Variants in TMTC1 observed in about 807,000 individuals in gnomAD.
The protein encoded by TMTC1 is transmembrane O-mannosyltransferase targeting cadherins 1.
Under a neutral mutation model 104.8 loss-of-function variants are expected in TMTC1, and 73 were observed. The observed-to-expected ratio is 0.70, with a 90% confidence interval of 0.58 to 0.85. The LOEUF (loss-of-function observed/expected upper bound fraction) is 0.85. Ranked by LOEUF, TMTC1 falls within the 40% of genes least tolerant of loss-of-function variation. TMTC1 has a pLI of 0.00. For missense variants in TMTC1, 1,035 were observed against 1,096.1 expected (o/e 0.94, Z 0.79); for synonymous variants, 434 against 428.7 (o/e 1.01, Z -0.15).
At chr12:29,766,670 G>A (rs905488320) in intron 2 of TMTC1, among the ~76,000 whole-genome samples, 3 of 152,136 alleles carry the variant, frequency 2.0e-5, no homozygotes, top group African/African-American at 4.8e-5. Context: ...CTGAGAAATG[G>A]AGGAGGGAGA....
At chr12:29,557,371 C>A (rs906511758) in intron 9 of TMTC1, among the ~76,000 whole-genome samples, 7 of 152,160 alleles carry the variant, frequency 4.6e-5, no homozygotes, top group African/African-American at 1.7e-4. Context: ...TGACCAGCTG[C>A]CTGTGCAGGG....
At chr12:29,683,385 G>T (rs948034656) in intron 5 of TMTC1, among the ~76,000 whole-genome samples, 1 of 152,152 alleles carries the variant, frequency 6.6e-6, no homozygotes. Flanking sequence ...GTAGAAGAAA[G>T]AAGATTTAAA....
chr12:29,510,187 C>T (rs938385704), intron 17 of TMTC1, among the ~76,000 whole-genome samples: 2 of 152,088 alleles, frequency 1.3e-5, no homozygotes, highest in African/African-American at 2.4e-5. Flanking sequence ...CCTATGGATT[C>T]GAGACCACAA....
intron 10 of TMTC1, among the ~76,000 whole-genome samples, chr12:29,545,629 T>TCACACACACACACACACACACACACACA (rs55958433): frequency 2.7e-5 from 2 of 73,530 alleles, no homozygotes; most frequent in African/African-American, 1.1e-4. Context: ...CAAGACTCTG[T>TCACACACACACACACACACACACACACA]CACACACACA....
chr12:29,605,528 A>G (rs1946674130), intron 6 of TMTC1, among the ~76,000 whole-genome samples: 2 of 150,744 alleles, frequency 1.3e-5, no homozygotes, highest in African/African-American at 4.9e-5. Context: ...AGATTATGTA[A>G]CAAGCCTTCA....
Position 29,751,721 on chromosome 12 carries a change from C to G in TMTC1, c.883G>C (p.Glu295Gln). The G allele has an allele frequency of 6.2e-7, 1 of 1,614,158 alleles. No homozygotes were observed. The highest frequency in any genetic ancestry group is 8.5e-7 in the Non-Finnish European group (1 of 1,180,036). Residue 295 changes from glutamate (E) to glutamine (Q), a missense_variant, in exon 5 of 18, where the codon GAA (glutamate) becomes CAA (glutamine). Coordinates refer to ENST00000539277, the MANE Select transcript of TMTC1 (RefSeq NM_001193451.2). ...WGGCHSPLPP[E>Q]PKSSGFPVSP... is the part of the protein sequence containing the mutation. ...ACTGGGAATCCACTGCTCTTGGGTT[C>G]TGGTGGCAGTGGAGAGTGGCAGCCA...
chr12:29,741,143 T>A (rs1942814169), intron 5 of TMTC1, among the ~76,000 whole-genome samples: 1 of 152,194 alleles, frequency 6.6e-6, no homozygotes, highest in Admixed American at 6.5e-5. Context: ...AACACAAAAC[T>A]TAATCTTTTT....
intron 5 of TMTC1, among the ~76,000 whole-genome samples, chr12:29,682,884 C>A (rs1444945573): frequency 6.6e-6 from 1 of 151,950 alleles, no homozygotes; most frequent in African/African-American, 2.4e-5. Flanking sequence ...TAGAACTATA[C>A]ACACATATTG....
At chr12:29,670,384 G>A (rs990789148) in intron 5 of TMTC1, among the ~76,000 whole-genome samples, 1 of 152,030 alleles carries the variant, frequency 6.6e-6, no homozygotes, top group Non-Finnish European at 1.5e-5. Flanking sequence ...CTGTCAGACG[G>A]GCACTATTAA....
At chr12:29,753,574 T>G (rs1211144687) in intron 4 of TMTC1, among the ~76,000 whole-genome samples, 2 of 152,254 alleles carry the variant, frequency 1.3e-5, no homozygotes, top group Non-Finnish European at 2.9e-5. Flanking sequence ...CATGGCACAG[T>G]GCCTAGCACA....
chr12:29,574,439 T>C (rs996505065), intron 8 of TMTC1, among the ~76,000 whole-genome samples: 2 of 152,202 alleles, frequency 1.3e-5, no homozygotes, highest in Admixed American at 6.5e-5. Context: ...TTAAAAACCT[T>C]GTTTAAATGG....
At position 29,708,147 on chromosome 12, in the gene TMTC1, C is replaced by T. The variant is rs576012091; in HGVS notation, c.938+43519G>A. On this transcript the variant is annotated intron_variant, in intron 5 of 17. Transcript: ENST00000539277. ...AGCCTTGACCTCCAGAAGGATACAA[C>T]ACACAAATGCATACAGAAAATGTGA... Among the ~76,000 whole-genome samples, 14 of 152,278 alleles carry T rather than the reference C, an allele frequency of 9.2e-5. No homozygotes were observed. The South Asian group carries it at 2.9e-3, about 32-fold the overall frequency.
chr12:29,513,346 A>C (rs1272683054), intron 16 of TMTC1, among the ~76,000 whole-genome samples: 1 of 152,172 alleles, frequency 6.6e-6, no homozygotes, highest in Non-Finnish European at 1.5e-5. Context: ...ATACACACAC[A>C]CACATACATA....
intron 3 of TMTC1, among the ~76,000 whole-genome samples, chr12:29,757,640 C>G (rs1943245904): frequency 6.6e-6 from 1 of 152,106 alleles, no homozygotes; most frequent in Non-Finnish European, 1.5e-5. Context: ...CCCCCTTTTC[C>G]AGGTTGTATT....
chr12:29,695,423 C>G (rs1477718791), intron 5 of TMTC1, among the ~76,000 whole-genome samples: 2 of 152,078 alleles, frequency 1.3e-5, no homozygotes, highest in African/African-American at 4.8e-5. Context: ...TCTCCTGCCT[C>G]AGACTCCTGA....
intron 11 of TMTC1, among the ~76,000 whole-genome samples, chr12:29,521,663 G>A (rs1230724581): frequency 6.7e-6 from 1 of 150,040 alleles, no homozygotes; most frequent in Non-Finnish European, 1.5e-5. Flanking sequence ...TGCCTCCTGG[G>A]CTCCAGTGAT....
chr12:29,719,321 T>C (rs1165661500), intron 5 of TMTC1, among the ~76,000 whole-genome samples: 1 of 152,218 alleles, frequency 6.6e-6, no homozygotes, highest in African/African-American at 2.4e-5. Flanking sequence ...TTGGAATTTC[T>C]TCTTTGTGAA....
intron 5 of TMTC1, among the ~76,000 whole-genome samples, chr12:29,712,989 G>C (rs576754482): frequency 2.4e-4 from 36 of 152,114 alleles, no homozygotes; most frequent in African/African-American, 8.4e-4. Context: ...TTTTTTTAAG[G>C]CGTGACTAAC....
intron 5 of TMTC1, among the ~76,000 whole-genome samples, chr12:29,715,994 T>TATTATC (rs201626485): frequency 0.19 from 19,275 of 102,480 alleles, 1,373 homozygotes; most frequent in South Asian, 0.31. Flanking sequence ...TCAGTATTAT[T>TATTATC]ATTATTATTA....
Sources: gnomAD v4.1 joint callset for allele counts (sites outside exome capture counted in the v4.1 genomes callset) on GRCh38, gnomAD v4.1.1 for gene constraint, MANE v1.5 for transcripts, NCBI Gene and HGNC (gene_info 2026-07-23, HGNC 2026-07-21) for gene names.